The following UTRN variants were observed in gnomAD, a reference collection of about 807,000 sequenced individuals.
UTRN encodes utrophin, also known as dystrophin-related protein 1.
Under a neutral mutation model 463.9 loss-of-function variants are expected in UTRN, and 283 were observed. The observed-to-expected ratio is 0.61, with a 90% CI of 0.55 to 0.67. UTRN has a LOEUF of 0.67. UTRN is among the 30% of genes least tolerant of loss of function. The probability of loss-of-function intolerance (pLI) is 0.00; values close to 1 mark genes in which losing one functional copy is unlikely to be tolerated. For missense variants in UTRN, 3,922 were observed against 4,084.3 expected, an observed-to-expected ratio of 0.96 and a Z score of 1.08; for synonymous variants, 1,442 against 1,431.5, an observed-to-expected ratio of 1.01 and a Z score of -0.17.
intron 2 of UTRN, among the ~76,000 whole-genome samples, chr6:144,317,311 T>A (rs1325971680): frequency 6.6e-6 from 1 of 152,132 alleles, no homozygotes; most frequent in Non-Finnish European, 1.5e-5. Context: ...GTACAGAAAA[T>A]CATTTTAAAA....
chr6:144,453,940 T>C, intron 19 of UTRN, 71 bp downstream of exon 19: 1 of 1,384,180 alleles, frequency 7.2e-7, no homozygotes, highest in Non-Finnish European at 9.9e-7. Context: ...GTTTGCCCTA[T>C]TAAATATTTT....
intron 3 of UTRN, among the ~76,000 whole-genome samples, chr6:144,404,405 A>G (rs533984026): frequency 2.1e-3 from 314 of 152,342 alleles, no homozygotes; most frequent in Non-Finnish European, 3.1e-3. Flanking sequence ...CATGAATAAA[A>G]ACTTTTGAAC....
At chr6:144,479,461 C>A (rs1791622679) in intron 25 of UTRN, among the ~76,000 whole-genome samples, 1 of 151,674 alleles carries the variant, frequency 6.6e-6, no homozygotes, top group Non-Finnish European at 1.5e-5. Flanking sequence ...TTCTTTTTTC[C>A]ATTATAAGTA....
chr6:144,533,245 A>C lies in UTRN; in HGVS notation c.6218A>C (p.Lys2073Thr). ...TGGGATGCAATTGTTGCAGAAGTGA[A>C]GGATAGGCAGCCAAGGTGATTTAGC... The part of the protein sequence containing the change: ...QRWDAIVAEV[K>T]DRQPRLKGES... The change falls in exon 43 of 75, where the codon AAG becomes ACG. Residue 2073 changes from lysine to threonine, a missense_variant. Physicochemically the swap from Lys to Thr is moderately conservative, Grantham distance 78. Transcript: ENST00000367545. 1.2e-6 allele frequency: 2 copies of C among 1,614,094 alleles called. No individual in the cohort carries two copies. Among genetic ancestry groups the C allele is most frequent in the East Asian group, 4.5e-5 (2 of 44,888 alleles).
chr6:144,691,756 ATTGATCCTGCTATAAT>A (rs912128210), intron 52 of UTRN, among the ~76,000 whole-genome samples: 1 of 152,202 alleles, frequency 6.6e-6, no homozygotes, highest in African/African-American at 2.4e-5. Context: ...AAATGGTAAC[ATTGATCCTGCTATAAT>A]TTGATACTTT....
At chr6:144,485,972 G>A (rs1020306179) in intron 28 of UTRN, among the ~76,000 whole-genome samples, 2 of 152,208 alleles carry the variant, frequency 1.3e-5, no homozygotes, top group African/African-American at 4.8e-5. Flanking sequence ...CTTGTCGTAG[G>A]AGCTTGTCTT....
intron 51 of UTRN, among the ~76,000 whole-genome samples, chr6:144,635,296 A>G (rs1777002138): frequency 6.6e-6 from 1 of 151,304 alleles, no homozygotes; most frequent in Non-Finnish European, 1.5e-5. Context: ...GACCACAGGC[A>G]CACACCACCA....
At chr6:144,566,017 A>G (rs1800371123) in intron 50 of UTRN, among the ~76,000 whole-genome samples, 1 of 152,148 alleles carries the variant, frequency 6.6e-6, no homozygotes, top group Non-Finnish European at 1.5e-5. Flanking sequence ...AGAGGGGACA[A>G]AGGAAGGAGG....
intron 2 of UTRN, among the ~76,000 whole-genome samples, chr6:144,345,468 A>C (rs936704897): frequency 1.3e-5 from 2 of 152,130 alleles, no homozygotes; most frequent in Non-Finnish European, 2.9e-5. Context: ...TGAGGCCTGG[A>C]GTTCGAGACC....
rs561276671 is a variant in UTRN at position 144,782,330 on chromosome 6, C to G, written c.8834+207C>G. On this transcript the variant is annotated intron_variant, in intron 61 of 74. Transcript: ENST00000367545. ...AGAACAGAAAAGAATGTACATCTTT[C>G]ATTTTAAAATGTTGCTTCAATTTAC... Among the ~76,000 whole-genome samples, 13 of 152,192 alleles carry G rather than the reference C, an allele frequency of 8.5e-5. No individual in the cohort carries two copies. The South Asian group carries it at 2.7e-3, about 32-fold the overall frequency.
chr6:144,485,306 G>T (rs1275955987), intron 27 of UTRN, 79 bp from the exon 28 acceptor site: 6 of 1,551,154 alleles, frequency 3.9e-6, no homozygotes, highest in South Asian at 2.4e-5. Flanking sequence ...AATTATTAGC[G>T]ATTAAAGAGA....
chr6:144,836,424 A>G lies in UTRN; in HGVS notation c.9948A>G (p.Ala3316=), dbSNP rs745742240. The G allele has an allele frequency of 9.9e-6, 16 of 1,613,928 alleles. No homozygotes were observed. Among genetic ancestry groups the G allele is most frequent in the Admixed American group, 1.7e-5 (1 of 60,008 alleles). The change falls in exon 71 of 75, where the codon GCA becomes GCG. Residue 3316 remains alanine, a synonymous_variant. Transcript: ENST00000367545. Reference sequence around the variant, plus strand: ...CGTCTGAGGATTCAGAACTTATAGCAGAAGCAAAACTCCTCAGGCAGCACA... The same window carrying G: ...CGTCTGAGGATTCAGAACTTATAGCGGAAGCAAAACTCCTCAGGCAGCACA... ...HHTSEDSELI[A]EAKLLRQHKG... is the part of the protein sequence containing the mutation.
rs572870234 is a variant in UTRN, at chr6:144,727,675, C to T, written c.7810-2682C>T. On this transcript the variant is annotated intron_variant, in intron 53 of 74. Transcript: ENST00000367545. ...TCAGGAGGCTGAGGCGGGAGAATGG[C>T]GTGAACCCAGGAGGTAGAGGTGAAG... Among the ~76,000 whole-genome samples, 4 of 152,232 alleles carry T rather than the reference C, an allele frequency of 2.6e-5. No homozygotes were observed. The East Asian group carries it at 5.8e-4, about 22-fold the overall frequency.
rs369816362 is a variant in UTRN at position 144,838,373 on chromosome 6, G to C, written c.10066-800G>C. On this transcript the variant is annotated intron_variant, in intron 71 of 74. Coordinates refer to ENST00000367545, the MANE Select transcript of UTRN (RefSeq NM_007124.3). ...GGATGATGAATGCTAGAAGTAGATG[G>C]AAAATTCAACTCTAATAGTAAAAAC... Among the ~76,000 whole-genome samples, 7 of 149,406 alleles carry C rather than the reference G, an allele frequency of 4.7e-5. No homozygotes were observed. The East Asian group carries it at 1.4e-3, about 29-fold the overall frequency.
intron 55 of UTRN, among the ~76,000 whole-genome samples, chr6:144,749,398 C>T (rs978884839): frequency 6.6e-6 from 1 of 152,118 alleles, no homozygotes; most frequent in Non-Finnish European, 1.5e-5. Context: ...TTACAGAATA[C>T]ACACCTTCTG....
At chr6:144,319,293 G>T (rs1775480989) in intron 2 of UTRN, among the ~76,000 whole-genome samples, 1 of 152,108 alleles carries the variant, frequency 6.6e-6, no homozygotes, top group Admixed American at 6.5e-5. Flanking sequence ...CTGTTTCTGG[G>T]CATGTTAGAC....
chr6:144,505,493 C>T (rs541040775), intron 34 of UTRN, among the ~76,000 whole-genome samples: 14 of 152,248 alleles, frequency 9.2e-5, no homozygotes, highest in African/African-American at 3.4e-4. Context: ...TTTACTTCTG[C>T]CTTAATTTCG....
intron 50 of UTRN, among the ~76,000 whole-genome samples, chr6:144,560,302 G>A (rs182462653): frequency 1.3e-5 from 2 of 152,198 alleles, no homozygotes; most frequent in African/African-American, 4.8e-5. Flanking sequence ...GTCAGCCGTT[G>A]CTGACATTCT....
At chr6:144,331,425 C>T (rs1370286858) in intron 2 of UTRN, among the ~76,000 whole-genome samples, 1 of 151,924 alleles carries the variant, frequency 6.6e-6, no homozygotes, top group Non-Finnish European at 1.5e-5. Flanking sequence ...ATCACTTCTC[C>T]GTGATGGAAA....
Sources: allele counts gnomAD v4.1 joint callset (sites outside exome capture counted in the v4.1 genomes callset), GRCh38; gene constraint gnomAD v4.1.1; transcripts MANE v1.5; gene names NCBI Gene and HGNC (gene_info 2026-07-23, HGNC 2026-07-21).